STK4: variants seen among roughly 807,000 people sequenced by gnomAD.
STK4 encodes the protein serine/threonine-protein kinase 4.
In STK4, 30 loss-of-function variants were observed where a neutral mutation model predicts 64.9. The observed-to-expected ratio is 0.46, with a 90% CI of 0.35 to 0.63. The LOEUF (loss-of-function observed/expected upper bound fraction) is 0.63, where lower values mean the gene tolerates loss of function less well. STK4 is among the 20% of genes least tolerant of loss of function. STK4 has a pLI of 0.01. For missense variants in STK4, 466 were observed against 598.5 expected (o/e 0.78, Z 2.31); for synonymous variants, 177 against 199.0 (o/e 0.89, Z 0.93).
intron 3 of STK4, among the ~76,000 whole-genome samples, chr20:44,979,372 CG>C (rs2067397087): frequency 6.6e-6 from 1 of 152,008 alleles, no homozygotes; most frequent in Non-Finnish European, 1.5e-5. Flanking sequence ...AGAGTACCTA[CG>C]TATTTATTTT....
chr20:45,013,724 G>T (rs139596490), intron 9 of STK4, among the ~76,000 whole-genome samples: 216 of 152,200 alleles, frequency 1.4e-3, no homozygotes, highest in African/African-American at 5.1e-3. Flanking sequence ...ATTGTTTGGT[G>T]CAGGAATCTG....
intron 9 of STK4, among the ~76,000 whole-genome samples, chr20:45,020,460 GTGTGTGTATGTT>G (rs1363389572): frequency 1.9e-3 from 236 of 126,302 alleles, no homozygotes; most frequent in African/African-American, 6.2e-3. Context: ...GTGTGTGTGT[GTGTGTGTATGTT>G]TATGTTTATG....
At chr20:44,984,197 T>TG (rs1255650407) in intron 4 of STK4, among the ~76,000 whole-genome samples, 2 of 135,988 alleles carry the variant, frequency 1.5e-5, no homozygotes, top group East Asian at 2.1e-4. Context: ...TTTTTTTTTT[T>TG]TTTTTTTTTT....
rs1423957175 is a variant in STK4 at position 44,997,287 on chromosome 20, C to T, written c.812C>T (p.Thr271Ile). Residue 271 changes from threonine (T) to isoleucine (I), a missense_variant, in exon 7 of 11, where the codon ACA (threonine) becomes ATA (isoleucine). By Grantham distance (89) the Thr-to-Ile change is moderately conservative (BLOSUM62 -1). Transcript: ENST00000372806. ...CLVKSPEQRA[T>I]ATQLLQHPFV... is the part of the protein sequence containing the mutation. ...GTAAAGAGCCCTGAGCAGAGGGCCA[C>T]AGCCACTCAGCTCCTGCAGGTATGA... 7 of 1,603,476 alleles carry T rather than the reference C, an allele frequency of 4.4e-6. No individual in the cohort carries two copies. In the Admixed American group the frequency reaches 1.0e-4, roughly 24 times the overall value.
At chr20:44,972,412 T>C (rs1783929515) in intron 2 of STK4, 3 of 305,888 alleles carry the variant, frequency 9.8e-6, no homozygotes, top group East Asian at 1.1e-4. Flanking sequence ...ACTTAACAGA[T>C]AGCACTAATT....
At chr20:45,039,463 A>G (rs1371488023) in intron 10 of STK4, among the ~76,000 whole-genome samples, 1 of 152,112 alleles carries the variant, frequency 6.6e-6, no homozygotes, top group Non-Finnish European at 1.5e-5. Flanking sequence ...ATCATCAGCT[A>G]CAACACTCTT....
chr20:45,035,914 A>G (rs2068520392), intron 10 of STK4, among the ~76,000 whole-genome samples: 1 of 152,244 alleles, frequency 6.6e-6, no homozygotes, highest in African/African-American at 2.4e-5. Context: ...TGTGCCAGGC[A>G]TTACATATGT....
intron 4 of STK4, among the ~76,000 whole-genome samples, chr20:44,984,453 C>T (rs531698418): frequency 1.3e-4 from 20 of 152,204 alleles, no homozygotes; most frequent in Middle Eastern, 6.8e-3. Flanking sequence ...CTGCCTGCCT[C>T]GGCCTCCCAA....
intron 1 of STK4, among the ~76,000 whole-genome samples, chr20:44,969,527 G>GA (rs199599864): frequency 2.8e-5 from 4 of 144,358 alleles, no homozygotes; most frequent in Admixed American, 2.7e-4. Context: ...GTGATTAAGT[G>GA]ATGACAGATT....
intron 10 of STK4, among the ~76,000 whole-genome samples, chr20:45,069,806 T>G (rs1195934335): frequency 6.6e-6 from 1 of 152,174 alleles, no homozygotes; most frequent in Admixed American, 6.5e-5. Context: ...TTTAGCATAG[T>G]AAACAAGACA....
intron 1 of STK4, among the ~76,000 whole-genome samples, chr20:44,969,736 G>A (rs979119346): frequency 6.6e-6 from 1 of 152,204 alleles, no homozygotes; most frequent in Non-Finnish European, 1.5e-5. Flanking sequence ...TGCTGAAACC[G>A]TCTGGAACCT....
chr20:45,044,453 C>T (rs907687548), intron 10 of STK4, among the ~76,000 whole-genome samples: 1 of 152,074 alleles, frequency 6.6e-6, no homozygotes, highest in South Asian at 2.1e-4. Flanking sequence ...CAAGGCCAGT[C>T]TGGGCAACAT....
At chr20:44,994,230 A>G (rs1601223497) in intron 5 of STK4, among the ~76,000 whole-genome samples, 1 of 150,900 alleles carries the variant, frequency 6.6e-6, no homozygotes, top group Admixed American at 6.7e-5. Flanking sequence ...TGTATACAGG[A>G]TAGACAGTAA....
intron 9 of STK4, among the ~76,000 whole-genome samples, chr20:45,011,712 T>C (rs1479637174): frequency 1.0e-5 from 1 of 100,334 alleles, no homozygotes; most frequent in Non-Finnish European, 2.1e-5. Flanking sequence ...AACATACATA[T>C]ATATATATAT....
At chr20:45,054,540 C>T (rs1978320783) in intron 10 of STK4, among the ~76,000 whole-genome samples, 1 of 124,950 alleles carries the variant, frequency 8.0e-6, no homozygotes, top group Non-Finnish European at 1.6e-5. Flanking sequence ...CTAGCCTGGG[C>T]AACAGTGGGA....
chr20:45,066,220 C>T (rs1834473507), intron 10 of STK4, among the ~76,000 whole-genome samples: 1 of 134,386 alleles, frequency 7.4e-6, no homozygotes, highest in African/African-American at 2.8e-5. Flanking sequence ...ACACAGATAT[C>T]TAGCTAGATA....
chr20:44,967,072 G>A lies in STK4; in HGVS notation c.35+469G>A, dbSNP rs560041497. On this transcript the variant is annotated intron_variant, in intron 1 of 10. Transcript: ENST00000372806. Reference sequence around the variant, plus strand: ...GTGCGGTGGGGGGATCTGTGGAGGGGAAAAGCTTTGCGCCTAAGGCTGAAA... The same window carrying A: ...GTGCGGTGGGGGGATCTGTGGAGGGAAAAAGCTTTGCGCCTAAGGCTGAAA... The A allele has an allele frequency of 1.2e-4, 105 of 912,450 alleles. 1 individual carries two copies. In the South Asian group the frequency reaches 4.8e-3, roughly 42 times the overall value. The allele number at this position is 912,450 out of a possible 1,614,324, so 56.5% of individuals were successfully genotyped here.
intron 10 of STK4, among the ~76,000 whole-genome samples, chr20:45,061,344 G>A (rs767492646): frequency 1.3e-5 from 2 of 152,044 alleles, no homozygotes; most frequent in East Asian, 1.9e-4. Context: ...CACAACCACC[G>A]AATATTAAAT....
At chr20:44,996,441 A>G (rs1037787028) in intron 6 of STK4, among the ~76,000 whole-genome samples, 8 of 152,274 alleles carry the variant, frequency 5.3e-5, no homozygotes, top group Middle Eastern at 3.4e-3. Context: ...AAAGACTTAC[A>G]CAAATTCATG....
Sources: allele counts gnomAD v4.1 joint callset (sites outside exome capture counted in the v4.1 genomes callset), GRCh38; gene constraint gnomAD v4.1.1; transcripts MANE v1.5; gene names NCBI Gene and HGNC (gene_info 2026-07-23, HGNC 2026-07-21).